The following PSG9 variants were observed in gnomAD, a reference collection of about 807,000 sequenced individuals.
PSG9 encodes the protein pregnancy specific beta-1-glycoprotein 9.
In PSG9, 49 loss-of-function variants were observed where a neutral mutation model predicts 41.9. The ratio of observed to expected loss-of-function variants is 1.17; its 90% CI spans 0.93 to 1.48. PSG9 has a LOEUF of 1.48. Among genes scored for constraint, PSG9 ranks in the 40% most tolerant of loss-of-function variants. The pLI is 0.00. For synonymous variants in PSG9, 263 were observed against 196.8 expected, an observed-to-expected ratio of 1.34 and a Z score of -2.82; for missense variants, 641 against 520.3, an observed-to-expected ratio of 1.23 and a Z score of -2.26.
rs115920524 is a variant in PSG9, at chr19:43,269,292, C to A, written c.64+76G>T. 3,200 of 1,607,726 alleles carry A rather than the reference C, an allele frequency of 2.0e-3. 51 individuals are homozygous for A. In the African/African-American group the frequency reaches 0.035, roughly 18 times the overall value. ...GAGCTGGCTTCTTTTATTTTACAAC[C>A]CCATCCTCTCCAGGAGACCCCATCC... On this transcript the variant is annotated intron_variant, in intron 1 of 5. Coordinates refer to ENST00000270077, the MANE Select transcript of PSG9 (RefSeq NM_002784.5).
chr19:43,268,986 G>T (rs1233238757), intron 1 of PSG9, among the ~76,000 whole-genome samples: 1 of 150,410 alleles, frequency 6.6e-6, no homozygotes, highest in Non-Finnish European at 1.5e-5. Context: ...TATCCAGGCT[G>T]CAACAGAGCC....
At chr19:43,263,433 A>C (rs926108082) in intron 2 of PSG9, among the ~76,000 whole-genome samples, 1 of 152,108 alleles carries the variant, frequency 6.6e-6, no homozygotes, top group Non-Finnish European at 1.5e-5. Context: ...GCCAGTGAGC[A>C]CTTCTTTTTA....
chr19:43,261,745 A>C, intron 3 of PSG9, 115 bp downstream of exon 3: 3 of 1,610,866 alleles, frequency 1.9e-6, no homozygotes, highest in Non-Finnish European at 2.5e-6. Flanking sequence ...GCCAGCTTTG[A>C]TGTCTAGGGG....
intron 1 of PSG9, among the ~76,000 whole-genome samples, chr19:43,268,618 C>T (rs776456001): frequency 1.1e-4 from 17 of 152,262 alleles, no homozygotes; most frequent in Non-Finnish European, 1.9e-4. Flanking sequence ...GTCTTCCTCC[C>T]CATGACAGCG....
intron 3 of PSG9, chr19:43,260,555 G>C (rs918643119): frequency 1.7e-4 from 25 of 146,484 alleles, no homozygotes; most frequent in Admixed American, 1.0e-3. Flanking sequence ...TTCCATACTG[G>C]CCATGCTGCA....
chr19:43,258,571 C>T lies in PSG9; in HGVS notation c.989-115G>A, dbSNP rs1279453903. 2.6e-5 allele frequency: 37 copies of T among 1,418,338 alleles called. 1 individual carries two copies. Among genetic ancestry groups the T allele is most frequent in the Non-Finnish European group, 3.1e-5 (33 of 1,077,876 alleles). 87.9% of individuals were successfully genotyped at this position (1,418,338 alleles called of 1,614,324 possible). A position where few individuals can be genotyped will look rare whatever the true frequency, so the allele number is the denominator to read the frequency against. ...CCAAGACACACCCTCAAGTCCCAGC[C>T]AAAGTCCCTCTATGTTCACTGAGCT... On this transcript the variant is annotated intron_variant, in intron 4 of 5. Coordinates refer to ENST00000270077, the MANE Select transcript of PSG9 (RefSeq NM_002784.5).
chr19:43,259,030 A>G lies in PSG9; in HGVS notation c.815T>C (p.Ile272Thr). ...CEPKSENYTY[I>T]WWLNGQSLPV... ...GAGGCTCTGACCGTTTAGCCACCAA[A>G]TGTAGGTGTAGTTCTCACTCTTAGG... Residue 272 changes from isoleucine (I) to threonine (T), a missense_variant, in exon 4 of 6, where the codon ATT becomes ACT. Ile to Thr is a moderately conservative substitution (Grantham distance 89). Coordinates refer to ENST00000270077, the MANE Select transcript of PSG9 (RefSeq NM_002784.5). 3 of 1,590,772 alleles carry G rather than the reference A, an allele frequency of 1.9e-6. No individual in the cohort carries two copies. The highest frequency in any genetic ancestry group is 2.6e-6 in the Non-Finnish European group (3 of 1,174,480).
intron 2 of PSG9, 34 bp downstream of exon 2, chr19:43,267,750 C>T (rs746453756): frequency 2.5e-6 from 4 of 1,612,410 alleles, no homozygotes; most frequent in Admixed American, 3.3e-5. Flanking sequence ...GACCCCTTCC[C>T]CCCAACACCC....
intron 2 of PSG9, among the ~76,000 whole-genome samples, chr19:43,265,106 T>C (rs756914380): frequency 1.1e-4 from 17 of 152,246 alleles, no homozygotes; most frequent in Admixed American, 5.2e-4. Context: ...AGGCTAACCT[T>C]GGGAGGAATT....
At chr19:43,259,926 T>C (rs1256624641) in intron 3 of PSG9, 1 of 147,214 alleles carries the variant, frequency 6.8e-6, no homozygotes, top group Admixed American at 6.7e-5. Flanking sequence ...ATGTGGATCT[T>C]TCCAGAAATA....
At chr19:43,266,696 C>T (rs1968984975) in intron 2 of PSG9, among the ~76,000 whole-genome samples, 1 of 152,076 alleles carries the variant, frequency 6.6e-6, no homozygotes, top group Non-Finnish European at 1.5e-5. Context: ...GTTTGGATGC[C>T]TAAGAAGAGA....
chr19:43,267,753 C>A (rs1481711266), intron 2 of PSG9, 31 bp downstream of exon 2: 3 of 1,612,392 alleles, frequency 1.9e-6, no homozygotes, highest in South Asian at 2.2e-5. Context: ...CCCTTCCCCC[C>A]AACACCCAGG....
intron 2 of PSG9, among the ~76,000 whole-genome samples, chr19:43,263,317 C>G (rs1331592519): frequency 4.6e-5 from 7 of 152,098 alleles, no homozygotes; most frequent in African/African-American, 1.7e-4. Context: ...ATTCAGAAAG[C>G]TTAAAACAAA....
chr19:43,264,562 A>G (rs756753565), intron 2 of PSG9, among the ~76,000 whole-genome samples: 1 of 151,876 alleles, frequency 6.6e-6, no homozygotes, highest in Non-Finnish European at 1.5e-5. Flanking sequence ...GGTTCACACC[A>G]TTCTCCTGCC....
chr19:43,261,813 G>T (rs1350721796), intron 3 of PSG9, 47 bp downstream of exon 3: 2 of 1,614,044 alleles, frequency 1.2e-6, no homozygotes, highest in Admixed American at 1.7e-5. Flanking sequence ...CTGGCCATGT[G>T]TATTTGGGAT....
In PSG9 at chr19:43,269,402, T is replaced by A. The variant is rs1464477258; in HGVS notation, c.30A>T (p.Thr10=). 4.3e-6 allele frequency: 7 copies of A among 1,613,594 alleles called. No individual in the cohort carries two copies. Among genetic ancestry groups the A allele is most frequent in the East Asian group, 4.5e-5 (2 of 44,872 alleles). Residue 10 remains threonine (T), a synonymous_variant, in exon 1 of 6, where the codon ACA becomes ACT. Coordinates refer to ENST00000270077, the MANE Select transcript of PSG9 (RefSeq NM_002784.5). The stretch of plus-strand genomic sequence containing the variant: ...GGAGCCCCTTCCAGGTGATGCGCTG[T>A]GTGCAGGAAGGGGCTGGGAGGGGCC... MGPLPAPSC[T]QRITWKGLLL... is the part of the protein sequence containing the mutation.
At chr19:43,260,761 G>C (rs1320899364) in intron 3 of PSG9, 1 of 151,912 alleles carries the variant, frequency 6.6e-6, no homozygotes, top group Non-Finnish European at 1.5e-5. Flanking sequence ...ATTCTGGTAG[G>C]GGTTGCATTG....
At chr19:43,266,020 C>G (rs923606450) in intron 2 of PSG9, among the ~76,000 whole-genome samples, 2 of 151,544 alleles carry the variant, frequency 1.3e-5, no homozygotes, top group Non-Finnish European at 2.9e-5. Context: ...TGGGGAAGGC[C>G]TAGGGGTGGG....
chr19:43,261,777 C>G, intron 3 of PSG9, 83 bp downstream of exon 3: 1 of 1,613,630 alleles, frequency 6.2e-7, no homozygotes, highest in Non-Finnish European at 8.5e-7. Context: ...GTACTTGGAC[C>G]TGAGAGGGAC....
Sources: allele counts gnomAD v4.1 joint callset (sites outside exome capture counted in the v4.1 genomes callset), GRCh38; gene constraint gnomAD v4.1.1; transcripts MANE v1.5; gene names NCBI Gene and HGNC (gene_info 2026-07-23, HGNC 2026-07-21).